Variants in CCDC77 observed in about 807,000 individuals in gnomAD.
CCDC77 encodes coiled-coil domain-containing protein 77.
A neutral mutation model predicts 66.8 loss-of-function variants in CCDC77; 56 were observed. The observed-to-expected ratio is 0.84, with a 90% CI of 0.68 to 1.05. The LOEUF (loss-of-function observed/expected upper bound fraction) is 1.05, where lower values mean the gene tolerates loss of function less well. Among genes scored for constraint, CCDC77 ranks in the 50% least tolerant of loss-of-function variants. The pLI is 0.00. For synonymous variants in CCDC77, 196 were observed against 195.2 expected, an observed-to-expected ratio of 1.00 and a Z score of -0.03; for missense variants, 570 against 576.8, an observed-to-expected ratio of 0.99 and a Z score of 0.12.
intron 12 of CCDC77, 100 bp from the exon 13 acceptor site, chr12:441,674 C>A: frequency 1.6e-6 from 2 of 1,287,252 alleles, no homozygotes; most frequent in Non-Finnish European, 2.1e-6. Context: ...CTCAAAATCT[C>A]ACAAAAAGGA....
chr12:405,597 GGA>G (rs1225779631), intron 2 of CCDC77, 33 bp downstream of exon 2: 4 of 152,134 alleles, frequency 2.6e-5, no homozygotes, highest in Non-Finnish European at 5.9e-5. Flanking sequence ...GTCTTTTAAA[GGA>G]GAGAATTAGA....
chr12:414,895 C>T (rs61908460), intron 4 of CCDC77, among the ~76,000 whole-genome samples: 23,048 of 152,126 alleles, frequency 0.15, 2,232 homozygotes, highest in South Asian at 0.25. Context: ...CTGCCTCTGG[C>T]CTCTTACATC....
At chr12:431,812 GCA>G (rs1353541097) in intron 7 of CCDC77, 52 bp from the exon 8 acceptor site, 2 of 1,144,000 alleles carry the variant, frequency 1.7e-6, no homozygotes, top group South Asian at 2.5e-5. Context: ...TATTTCAATA[GCA>G]CACAGAAAAG....
chr12:418,909 C>A (rs974996157), intron 5 of CCDC77: 13 of 336,498 alleles, frequency 3.9e-5, no homozygotes, highest in Non-Finnish European at 6.7e-5. Flanking sequence ...CTGTCAGCCA[C>A]GCTGGTCTCG....
intron 5 of CCDC77, among the ~76,000 whole-genome samples, chr12:426,516 G>A (rs900683711): frequency 3.3e-5 from 5 of 152,110 alleles, no homozygotes; most frequent in Admixed American, 1.3e-4. Flanking sequence ...TTTATTGATC[G>A]TCTTGACTGG....
intron 2 of CCDC77, among the ~76,000 whole-genome samples, chr12:408,494 G>T (rs903161553): frequency 4.6e-5 from 7 of 152,120 alleles, no homozygotes; most frequent in Admixed American, 6.6e-5. Context: ...ATTTGATATA[G>T]TGGGTACTCT....
At chr12:423,379 A>G (rs1374749792) in intron 5 of CCDC77, among the ~76,000 whole-genome samples, 12 of 147,746 alleles carry the variant, frequency 8.1e-5, no homozygotes, top group Admixed American at 2.0e-4. Context: ...AGCTCAAGCA[A>G]TCCTCCTGCC....
At chr12:441,090 T>G in intron 12 of CCDC77, 94 bp downstream of exon 12, 1 of 1,315,116 alleles carries the variant, frequency 7.6e-7, no homozygotes, top group Non-Finnish European at 1.1e-6. Flanking sequence ...ATGTGCTGTT[T>G]CCCTGCTGGT....
At chr12:413,486 G>T (rs1030295013) in intron 4 of CCDC77, among the ~76,000 whole-genome samples, 5 of 151,132 alleles carry the variant, frequency 3.3e-5, no homozygotes, top group Admixed American at 3.3e-4. Flanking sequence ...TGATCCACCC[G>T]CCTCGGCCTC....
chr12:418,748 G>A (rs1945335011), intron 5 of CCDC77, 112 bp downstream of exon 5: 3 of 1,175,734 alleles, frequency 2.6e-6, no homozygotes, highest in Admixed American at 2.0e-5. Context: ...TGCCCAGGCT[G>A]GAGTACAGTG....
At chr12:419,221 G>A (rs375433851) in intron 5 of CCDC77, among the ~76,000 whole-genome samples, 1 of 152,198 alleles carries the variant, frequency 6.6e-6, no homozygotes, top group African/African-American at 2.4e-5. Context: ...AGGATAGGGT[G>A]GTCTTTCGGC....
intron 4 of CCDC77, among the ~76,000 whole-genome samples, chr12:415,416 AT>A (rs1945223405): frequency 7.2e-6 from 1 of 139,316 alleles, no homozygotes; most frequent in Admixed American, 7.3e-5. Context: ...ATATGTTGAT[AT>A]TATTAACATA....
chr12:415,721 G>A (rs889723977), intron 4 of CCDC77, among the ~76,000 whole-genome samples: 13 of 151,628 alleles, frequency 8.6e-5, no homozygotes, highest in African/African-American at 1.7e-4. Context: ...CAGCCTCAAC[G>A]TCCTGGACTC....
At chr12:404,721 CTTTTTT>C (rs141950603) in intron 1 of CCDC77, among the ~76,000 whole-genome samples, 1 of 137,604 alleles carries the variant, frequency 7.3e-6, no homozygotes. Context: ...CTTCAAATTA[CTTTTTT>C]TTTTTTTTTT....
chr12:423,489 G>GTTTTTTTTTTTTTTTTTT (rs1179236405), intron 5 of CCDC77, among the ~76,000 whole-genome samples: 4 of 32,684 alleles, frequency 1.2e-4, no homozygotes, highest in Non-Finnish European at 2.3e-4. Flanking sequence ...GTTTTTTTTT[G>GTTTTTTTTTTTTTTTTTT]TTTTGTTTTT....
At chr12:403,630 C>T (rs1944937596) in intron 1 of CCDC77, among the ~76,000 whole-genome samples, 1 of 152,194 alleles carries the variant, frequency 6.6e-6, no homozygotes, top group African/African-American at 2.4e-5. Flanking sequence ...ATAGCTGGGA[C>T]TACAGGCACG....
chr12:408,019 C>A (rs978909239), intron 2 of CCDC77, among the ~76,000 whole-genome samples: 2 of 152,046 alleles, frequency 1.3e-5, no homozygotes, highest in East Asian at 3.9e-4. Flanking sequence ...AATCTCCTGA[C>A]CTTGTGATAC....
At chr12:415,910 A>G (rs1945246800) in intron 4 of CCDC77, among the ~76,000 whole-genome samples, 1 of 151,958 alleles carries the variant, frequency 6.6e-6, no homozygotes, top group African/African-American at 2.4e-5. Flanking sequence ...GGTTCAAGCA[A>G]TTCTCCTGCC....
chr12:436,181 A>G (rs1191517934), intron 9 of CCDC77, among the ~76,000 whole-genome samples: 1 of 144,652 alleles, frequency 6.9e-6, no homozygotes, highest in Non-Finnish European at 1.5e-5. Context: ...GCAGTGGCAC[A>G]ATCTCGGCTC....
Sources: allele counts gnomAD v4.1 joint callset (sites outside exome capture counted in the v4.1 genomes callset), GRCh38; gene constraint gnomAD v4.1.1; transcripts MANE v1.5; gene names NCBI Gene and HGNC (gene_info 2026-07-23, HGNC 2026-07-21).